The following PNLDC1 variants were observed in gnomAD, a reference collection of about 807,000 sequenced individuals.
PNLDC1 encodes the protein PARN like ribonuclease domain containing exonuclease 1, also known as poly(A)-specific ribonuclease PNLDC1.
PNLDC1 carries 70 observed loss-of-function variants against 82.0 expected under a neutral mutation model. The ratio of observed to expected loss-of-function variants is 0.85; its 90% CI spans 0.70 to 1.04. The LOEUF (loss-of-function observed/expected upper bound fraction) is 1.04. Among genes scored for constraint, PNLDC1 ranks in the 50% least tolerant of loss-of-function variants. The pLI, the probability that PNLDC1 is intolerant of heterozygous loss-of-function variation, is 0.00. For missense variants in PNLDC1, 631 were observed against 661.1 expected (o/e 0.95, Z 0.50); for synonymous variants, 280 against 249.3 (o/e 1.12, Z -1.16).
chr6:159,815,927 T>G, intron 12 of PNLDC1, 42 bp from the exon 13 acceptor site: 1 of 1,521,242 alleles, frequency 6.6e-7, no homozygotes, highest in South Asian at 1.1e-5. Flanking sequence ...AAGGGATTAC[T>G]TTCAGCAAAT....
intron 5 of PNLDC1, 144 bp from the exon 6 acceptor site, chr6:159,804,405 G>T: frequency 1.5e-6 from 1 of 659,688 alleles, no homozygotes. Context: ...CACCCGGCCT[G>T]GGAATGTCTT....
chr6:159,810,207 G>T (rs1275398805), intron 10 of PNLDC1, 112 bp downstream of exon 10: 2 of 906,792 alleles, frequency 2.2e-6, no homozygotes, highest in African/African-American at 3.3e-5. Context: ...TTCCTCCCCA[G>T]TGTCTGCAGG....
At chr6:159,818,723 G>T in intron 16 of PNLDC1, 69 bp downstream of exon 16, 1 of 1,459,804 alleles carries the variant, frequency 6.9e-7, no homozygotes. Flanking sequence ...AGCGGCCAGT[G>T]CTCTCTGGGA....
chr6:159,800,266 A>C, upstream of PNLDC1: 1 of 1,352,244 alleles, frequency 7.4e-7, no homozygotes, highest in Non-Finnish European at 1.0e-6. Flanking sequence ...GCACGTGGGC[A>C]GCACGTGATA....
intron 3 of PNLDC1, among the ~76,000 whole-genome samples, chr6:159,802,822 A>T (rs575949860): frequency 4.1e-4 from 63 of 151,862 alleles, no homozygotes; most frequent in African/African-American, 1.5e-3. Flanking sequence ...ACCTCAAGTG[A>T]TCCACCTGCC....
upstream of PNLDC1, chr6:159,800,177 C>T: frequency 1.3e-6 from 1 of 781,678 alleles, no homozygotes; most frequent in Non-Finnish European, 2.0e-6. Context: ...GGAAGCTGGG[C>T]ACGTGGGGCG....
In PNLDC1 at chr6:159,819,274, A is replaced by G. The variant is rs753107922; in HGVS notation, c.1454A>G (p.Glu485Gly). The G allele has an allele frequency of 3.1e-6, 5 of 1,613,724 alleles. No homozygotes were observed. The South Asian group carries it at 5.5e-5, about 18-fold the overall frequency. The change falls in exon 18 of 19, where the codon GAG becomes GGG. Residue 485 changes from glutamate to glycine, a missense_variant. Coordinates refer to ENST00000392167, the MANE Select transcript of PNLDC1 (RefSeq NM_001271862.2). This position sits in a 1 kb window ranked among gnomAD's most constrained non-coding sequence, Gnocchi z 4.6. ...GGCAGTGCGCGGAACATCCTGAAGG[A>G]GTACCGGGACCACCCGACCCTGTGC... The part of the protein sequence containing the change: ...KFKDARNILK[E>G]YRDHPTLCIS...
At chr6:159,816,114 T>TG in intron 13 of PNLDC1, 81 bp downstream of exon 13, 1 of 575,914 alleles carries the variant, frequency 1.7e-6, no homozygotes, top group Non-Finnish European at 2.2e-6. Flanking sequence ...TGACCCTGGT[T>TG]CCCCCACACC....
At chr6:159,808,048 G>T (rs889189228) in intron 7 of PNLDC1, among the ~76,000 whole-genome samples, 1 of 151,994 alleles carries the variant, frequency 6.6e-6, no homozygotes, top group Non-Finnish European at 1.5e-5. Context: ...TGAGTAGCTG[G>T]GATTACAGGC....
rs571477807 is a variant in PNLDC1 at position 159,803,694 on chromosome 6, T to G, written c.249-271T>G. ...TGCCTCCCCACCCCCCATGAGCAGT[T>G]GAGGGTGCCAGCCTGCACGCCCTAA... On this transcript the variant is annotated intron_variant, in intron 4 of 18. Transcript: ENST00000392167. Among the ~76,000 whole-genome samples the G allele has an allele frequency of 1.2e-4, 18 of 152,252 alleles. 1 individual carries two copies. The East Asian group carries it at 3.5e-3, about 29-fold the overall frequency.
In PNLDC1 at chr6:159,819,607, C is replaced by T. The variant is rs145411477; in HGVS notation, c.1532+255C>T. On this transcript the variant is annotated intron_variant, in intron 18 of 18. Coordinates refer to ENST00000392167, the MANE Select transcript of PNLDC1 (RefSeq NM_001271862.2). This position sits in a 1 kb window ranked among gnomAD's most constrained non-coding sequence, Gnocchi z 4.6. ...AAAATCCCTGCTCTCGTGGAGCTCA[C>T]GTGCTGGGGGAGACAAACAGGATAA... 2.8e-3 allele frequency among the ~76,000 whole-genome samples: 422 copies of T among 152,322 alleles called. 3 individuals carry two copies. The highest frequency in any genetic ancestry group is 6.4e-3 in the South Asian group (31 of 4,832).
intron 2 of PNLDC1, 49 bp downstream of exon 2, chr6:159,800,878 C>T (rs746224520): frequency 1.2e-6 from 2 of 1,611,490 alleles, no homozygotes; most frequent in African/African-American, 2.7e-5. Context: ...GCCAGACCAG[C>T]ACTGTTTCTG....
chr6:159,820,693 T>G lies in PNLDC1; in HGVS notation c.*176T>G, dbSNP rs1283823520. On this transcript the variant is annotated 3_prime_UTR_variant, in exon 19 of 19. Coordinates refer to ENST00000392167, the MANE Select transcript of PNLDC1 (RefSeq NM_001271862.2). Reference sequence around the variant, plus strand: ...AACACTCTCAATGATAAATCAGTCCTTAGATATCGTACCTGTATGTGTGGT... The same window carrying G: ...AACACTCTCAATGATAAATCAGTCCGTAGATATCGTACCTGTATGTGTGGT... The G allele has an allele frequency of 1.6e-6, 1 of 635,222 alleles. No individual in the cohort carries two copies. The highest frequency in any genetic ancestry group is 1.8e-5 in the African/African-American group (1 of 55,208). 39.3% of individuals were successfully genotyped at this position (635,222 alleles called of 1,614,324 possible).
In PNLDC1 at chr6:159,801,150, C is replaced by T. The variant is rs1254456989; in HGVS notation, c.172C>T (p.Arg58Cys). The change falls in exon 3 of 19, where the codon CGT becomes TGT. Residue 58 changes from arginine (R) to cysteine (C), a missense_variant. Arg to Cys is a radical substitution (Grantham distance 180, BLOSUM62 -3). Transcript: ENST00000392167. Reference sequence around the variant, plus strand: ...GCCATCGGAGTGGTATCTAAAGACCCGTCAGAGTGTTCAGCAATTTACAGT... The same window carrying T: ...GCCATCGGAGTGGTATCTAAAGACCTGTCAGAGTGTTCAGCAATTTACAGT... ...DLPSEWYLKT[R>C]QSVQQFTVCQ... The T allele has an allele frequency of 1.2e-6, 2 of 1,614,030 alleles. No individual in the cohort carries two copies. Among genetic ancestry groups the T allele is most frequent in the Non-Finnish European group, 1.7e-6 (2 of 1,179,980 alleles).
intron 11 of PNLDC1, among the ~76,000 whole-genome samples, chr6:159,812,728 G>A (rs186628236): frequency 2.6e-5 from 4 of 152,226 alleles, no homozygotes; most frequent in South Asian, 4.1e-4. Context: ...GCTTAGAAAC[G>A]AAGCTGAGAA....
intron 3 of PNLDC1, among the ~76,000 whole-genome samples, chr6:159,801,409 C>T (rs1186349290): frequency 6.6e-6 from 1 of 152,178 alleles, no homozygotes; most frequent in Non-Finnish European, 1.5e-5. Context: ...TTAAGGAACA[C>T]TCACTGTTAC....
At chr6:159,806,151 G>T in intron 7 of PNLDC1, 68 bp downstream of exon 7, 1 of 1,207,210 alleles carries the variant, frequency 8.3e-7, no homozygotes, top group Admixed American at 1.7e-5. Flanking sequence ...CCAGGAGTTG[G>T]GGGAAACACA....
intron 7 of PNLDC1, among the ~76,000 whole-genome samples, chr6:159,808,366 AT>A (rs1169419001): frequency 6.6e-6 from 1 of 152,152 alleles, no homozygotes; most frequent in Admixed American, 6.5e-5. Flanking sequence ...GAAAATAGTT[AT>A]TTTTTATAAG....
Position 159,815,951 on chromosome 6 carries a change from A to G in PNLDC1, c.996-18A>G. The G allele has an allele frequency of 6.2e-6, 10 of 1,602,798 alleles. No homozygotes were observed. The highest frequency in any genetic ancestry group is 1.7e-5 in the Admixed American group (1 of 59,884). ...CTTTCAGCAAATTGTTTTTTATTCT[A>G]TTTTTCTTTTCCAATAGTGACTTGA... On this transcript the variant is annotated intron_variant, in intron 12 of 18. Transcript: ENST00000392167.
Sources: allele counts gnomAD v4.1 joint callset (sites outside exome capture counted in the v4.1 genomes callset), GRCh38; gene constraint gnomAD v4.1.1; non-coding constraint Gnocchi (gnomAD v3.1); transcripts MANE v1.5; gene names NCBI Gene and HGNC (gene_info 2026-07-23, HGNC 2026-07-21).